Variants in LMX1A observed in about 807,000 individuals in gnomAD.
LMX1A encodes the protein LIM homeobox transcription factor 1-alpha.
Under a neutral mutation model 49.1 loss-of-function variants are expected in LMX1A, and 15 were observed. The ratio of observed to expected loss-of-function variants is 0.31; its 90% CI spans 0.20 to 0.47. The LOEUF (loss-of-function observed/expected upper bound fraction) is 0.47. Ranked by LOEUF, LMX1A falls within the 20% of genes least tolerant of loss-of-function variation. LMX1A has a pLI of 1.00. For missense variants in LMX1A, 372 were observed against 475.8 expected (o/e 0.78, Z 2.03); for synonymous variants, 167 against 185.7 (o/e 0.90, Z 0.82).
intron 3 of LMX1A, among the ~76,000 whole-genome samples, chr1:165,334,218 G>A (rs958073902): frequency 1.3e-5 from 2 of 152,104 alleles, no homozygotes; most frequent in Non-Finnish European, 2.9e-5. Context: ...ACAAAGCAGT[G>A]AATAGATTGC....
intron 4 of LMX1A, among the ~76,000 whole-genome samples, chr1:165,248,805 C>A (rs182498221): frequency 6.6e-6 from 1 of 152,198 alleles, no homozygotes; most frequent in Non-Finnish European, 1.5e-5. Context: ...TATTATGTAT[C>A]TATACCTGGG....
At chr1:165,258,053 G>A (rs546039643) in intron 3 of LMX1A, among the ~76,000 whole-genome samples, 2 of 152,158 alleles carry the variant, frequency 1.3e-5, no homozygotes, top group Admixed American at 6.5e-5. Context: ...AGTAACAGAG[G>A]GTTTGGGGCA....
chr1:165,318,767 T>C (rs563359128), intron 3 of LMX1A, among the ~76,000 whole-genome samples: 9 of 152,230 alleles, frequency 5.9e-5, no homozygotes, highest in Non-Finnish European at 1.2e-4. Context: ...AGTCTTCCTG[T>C]GGCCCTGAGA....
chr1:165,238,134 A>G (rs1652521248), intron 4 of LMX1A, among the ~76,000 whole-genome samples: 1 of 152,236 alleles, frequency 6.6e-6, no homozygotes, highest in Non-Finnish European at 1.5e-5. Context: ...TGCCACTGGA[A>G]AAACAAAATT....
chr1:165,330,276 C>A (rs1655707507), intron 3 of LMX1A, among the ~76,000 whole-genome samples: 1 of 152,174 alleles, frequency 6.6e-6, no homozygotes, highest in Non-Finnish European at 1.5e-5. Context: ...GAGTTCAACA[C>A]CAGCCTGGGC....
chr1:165,318,999 T>TCACACA (rs35582531), intron 3 of LMX1A, among the ~76,000 whole-genome samples: 1,222 of 117,754 alleles, frequency 0.01, 17 homozygotes, highest in African/African-American at 0.039. Flanking sequence ...TCTCTCTCTC[T>TCACACA]CACACACACA....
chr1:165,244,679 A>C (rs1652778747), intron 4 of LMX1A, among the ~76,000 whole-genome samples: 1 of 152,120 alleles, frequency 6.6e-6, no homozygotes, highest in Non-Finnish European at 1.5e-5. Context: ...GAAATGACCA[A>C]GTAGAGACTG....
At chr1:165,349,239 C>A (rs1380115242) in intron 3 of LMX1A, among the ~76,000 whole-genome samples, 1 of 152,228 alleles carries the variant, frequency 6.6e-6, no homozygotes, top group African/African-American at 2.4e-5. Flanking sequence ...TCAGCAGTCT[C>A]TTCTGTCTCA....
Position 165,293,312 on chromosome 1 carries a change from T to C in LMX1A, c.264-43672A>G, listed in dbSNP as rs1654528954. On this transcript the variant is annotated intron_variant, in intron 3 of 8. Transcript: ENST00000342310. ...AATCAACTAACATTGGATAAATGTG[T>C]AAATGTTTAAAATAGCACTTTCACA... Among the ~76,000 whole-genome samples, 3 of 152,208 alleles carry C rather than the reference T, an allele frequency of 2.0e-5. No individual in the cohort carries two copies. The South Asian group carries it at 6.2e-4, about 31-fold the overall frequency.
At chr1:165,249,281 C>T (rs1652965413) in intron 4 of LMX1A, 127 bp downstream of exon 4, 2 of 640,710 alleles carry the variant, frequency 3.1e-6, no homozygotes, top group Non-Finnish European at 5.6e-6. Flanking sequence ...CTGAAATACA[C>T]AGAACTGCCT....
At chr1:165,277,358 G>A (rs1161504799) in intron 3 of LMX1A, among the ~76,000 whole-genome samples, 2 of 152,186 alleles carry the variant, frequency 1.3e-5, no homozygotes, top group South Asian at 2.1e-4. Context: ...TACCAGGAGC[G>A]CCAGCTTCCA....
intron 3 of LMX1A, among the ~76,000 whole-genome samples, chr1:165,294,296 C>A (rs1654556018): frequency 6.6e-6 from 1 of 152,260 alleles, no homozygotes; most frequent in Non-Finnish European, 1.5e-5. Flanking sequence ...GTGGCTGTGA[C>A]TCCAGTGGTT....
intron 3 of LMX1A, among the ~76,000 whole-genome samples, chr1:165,251,121 C>T (rs532886181): frequency 2.7e-5 from 4 of 149,006 alleles, no homozygotes; most frequent in African/African-American, 7.5e-5. Context: ...CTCACTTTGT[C>T]GCCCAAGCTG....
chr1:165,256,629 G>C (rs942333333), intron 3 of LMX1A, among the ~76,000 whole-genome samples: 1 of 152,076 alleles, frequency 6.6e-6, no homozygotes, highest in Non-Finnish European at 1.5e-5. Flanking sequence ...TCTATTAATA[G>C]AAGAGTATCA....
intron 3 of LMX1A, among the ~76,000 whole-genome samples, chr1:165,341,376 C>T (rs192992190): frequency 2.8e-4 from 42 of 152,272 alleles, no homozygotes; most frequent in Admixed American, 2.5e-3. Context: ...TCCCACTCAT[C>T]CTGCAAGAGC....
chr1:165,292,064 A>AGTCTC (rs1394946415), intron 3 of LMX1A, among the ~76,000 whole-genome samples: 2 of 54,658 alleles, frequency 3.7e-5, no homozygotes, highest in African/African-American at 1.9e-4. Flanking sequence ...TCCGTCTCAA[A>AGTCTC]AAAAAAAAAA....
intron 3 of LMX1A, among the ~76,000 whole-genome samples, chr1:165,327,938 C>T (rs114217984): frequency 0.012 from 1,893 of 152,282 alleles, 42 homozygotes; most frequent in African/African-American, 0.042. Flanking sequence ...GCCACCACCT[C>T]GACTTAGAGA....
intron 3 of LMX1A, among the ~76,000 whole-genome samples, chr1:165,303,500 T>C (rs1654841583): frequency 6.6e-6 from 1 of 152,244 alleles, no homozygotes; most frequent in Non-Finnish European, 1.5e-5. Flanking sequence ...AAGGGGGAAG[T>C]ACATTCCTCA....
chr1:165,239,240 T>C (rs910906652), intron 4 of LMX1A, among the ~76,000 whole-genome samples: 51 of 152,236 alleles, frequency 3.4e-4, no homozygotes, highest in Non-Finnish European at 7.3e-5. Context: ...TCAAAATTAT[T>C]GTGTGAACAC....
Sources: gnomAD v4.1 joint callset for allele counts (sites outside exome capture counted in the v4.1 genomes callset) on GRCh38, gnomAD v4.1.1 for gene constraint, MANE v1.5 for transcripts, NCBI Gene and HGNC (gene_info 2026-07-23, HGNC 2026-07-21) for gene names.